The following PARVB variants were observed in gnomAD, a reference collection of about 807,000 sequenced individuals.
PARVB encodes the protein beta-parvin.
Under a neutral mutation model 47.0 loss-of-function variants are expected in PARVB, and 46 were observed. That is an observed-to-expected ratio of 0.98 (90% CI 0.77 to 1.25). The LOEUF (loss-of-function observed/expected upper bound fraction) is 1.25. Ranked by LOEUF, PARVB falls within the 50% of genes most tolerant of loss-of-function variation. The pLI, the probability that PARVB is intolerant of heterozygous loss-of-function variation, is 0.00. For synonymous variants in PARVB, 196 were observed against 196.3 expected, an observed-to-expected ratio of 1.00 and a Z score of 0.01; for missense variants, 473 against 471.6, an observed-to-expected ratio of 1.00 and a Z score of -0.03.
intron 1 of PARVB, among the ~76,000 whole-genome samples, chr22:44,025,143 G>A (rs1422386747): frequency 6.6e-6 from 1 of 151,816 alleles, no homozygotes; most frequent in African/African-American, 2.4e-5. Context: ...GTTCTGCCCC[G>A]GGACCATGCC....
intron 1 of PARVB, among the ~76,000 whole-genome samples, chr22:44,058,859 T>C (rs2051365596): frequency 6.7e-6 from 1 of 150,358 alleles, no homozygotes; most frequent in South Asian, 2.1e-4. Flanking sequence ...CCATCGGACG[T>C]GGATTTTGGA....
chr22:44,118,933 G>A, intron 3 of PARVB, 105 bp from the exon 4 acceptor site: 4 of 785,810 alleles, frequency 5.1e-6, no homozygotes, highest in Non-Finnish European at 9.0e-6. Flanking sequence ...TGGTCCCGGT[G>A]GTGGCTGCAG....
At chr22:44,009,628 T>C (rs1019733820) in intron 2 of PARVB, 1 of 150,904 alleles carries the variant, frequency 6.6e-6, no homozygotes, top group Middle Eastern at 3.5e-3. Flanking sequence ...ATATGTAATA[T>C]GTTTATTACA....
chr22:44,117,995 C>T (rs1569130298), intron 3 of PARVB, among the ~76,000 whole-genome samples: 1 of 152,196 alleles, frequency 6.6e-6, no homozygotes, highest in Admixed American at 6.5e-5. Context: ...AAGCAATCTC[C>T]TTCTGAAGTG....
upstream of PARVB, among the ~76,000 whole-genome samples, chr22:44,023,013 T>C (rs1291316434): frequency 2.6e-5 from 4 of 151,924 alleles, no homozygotes; most frequent in African/African-American, 9.7e-5. Flanking sequence ...TCCCAAAGTG[T>C]TGGGATTACA....
intron 5 of PARVB, among the ~76,000 whole-genome samples, chr22:44,132,674 G>C (rs1419623274): frequency 1.3e-5 from 2 of 152,090 alleles, no homozygotes; most frequent in African/African-American, 4.8e-5. Context: ...TTCTAAAAGT[G>C]GTTGCACAAG....
chr22:44,114,457 C>T (rs1296250662), intron 3 of PARVB: 2 of 95,336 alleles, frequency 2.1e-5, no homozygotes, highest in Admixed American at 9.5e-5. Flanking sequence ...TGCACCAACA[C>T]AGATACATTG....
At chr22:44,166,571 A>C (rs12170502) in intron 12 of PARVB, among the ~76,000 whole-genome samples, 2,711 of 152,358 alleles carry the variant, frequency 0.018, 88 homozygotes, top group African/African-American at 0.062. Context: ...GGACGTGTGG[A>C]AACCAGGCCA....
chr22:44,092,062 T>C (rs893894711), intron 1 of PARVB, among the ~76,000 whole-genome samples: 29 of 152,196 alleles, frequency 1.9e-4, no homozygotes, highest in African/African-American at 6.3e-4. Context: ...CCAAAGACCC[T>C]GGCATTTTTG....
At chr22:44,014,996 G>A (rs2050560867) in intron 2 of PARVB, among the ~76,000 whole-genome samples, 1 of 151,904 alleles carries the variant, frequency 6.6e-6, no homozygotes, top group South Asian at 2.1e-4. Context: ...GATTGTAGGT[G>A]CCCGCCACCA....
At chr22:44,023,852 T>A (rs1394829875), upstream of PARVB, among the ~76,000 whole-genome samples, 1 of 152,170 alleles carries the variant, frequency 6.6e-6, no homozygotes, top group Non-Finnish European at 1.5e-5. Flanking sequence ...TTGCCCTCCA[T>A]CCTCTAAGCT....
chr22:44,127,157 G>A (rs2053203993), intron 4 of PARVB, among the ~76,000 whole-genome samples: 1 of 152,138 alleles, frequency 6.6e-6, no homozygotes, highest in African/African-American at 2.4e-5. Flanking sequence ...TTGTGGAGTA[G>A]CTGCTGTTCC....
chr22:44,133,000 G>T lies in PARVB; in HGVS notation c.624G>T (p.Val208=). 1 of 1,612,268 alleles carries T rather than the reference G, an allele frequency of 6.2e-7. No homozygotes were observed. Among genetic ancestry groups the T allele is most frequent in the African/African-American group, 1.3e-5 (1 of 74,952 alleles). ...RLPEHVTVQV[V]VVRKREGLLH... Reference sequence around the variant, plus strand: ...CTGAGCATGTAACGGTGCAGGTGGTGGTCGTGCGGGTGAGTATAACCGAGT... The same window carrying T: ...CTGAGCATGTAACGGTGCAGGTGGTTGTCGTGCGGGTGAGTATAACCGAGT... The change falls in exon 6 of 13, where the codon GTG becomes GTT. Residue 208 remains valine, a synonymous_variant. Transcript: ENST00000338758.
At chr22:44,083,455 A>G (rs2051954056) in intron 1 of PARVB, among the ~76,000 whole-genome samples, 2 of 152,118 alleles carry the variant, frequency 1.3e-5, no homozygotes, top group African/African-American at 4.8e-5. Flanking sequence ...CCACAATCAC[A>G]TGATCGGGGA....
chr22:44,045,723 G>T (rs1481877099), intron 1 of PARVB, among the ~76,000 whole-genome samples: 1 of 152,184 alleles, frequency 6.6e-6, no homozygotes, highest in Non-Finnish European at 1.5e-5. Context: ...CTGAAAATCA[G>T]TTGATCATCA....
chr22:44,085,885 G>A (rs1384168750), intron 1 of PARVB, among the ~76,000 whole-genome samples: 1 of 152,202 alleles, frequency 6.6e-6, no homozygotes, highest in African/African-American at 2.4e-5. Context: ...AATAGGACAG[G>A]GTTTCAGCAG....
chr22:44,066,360 T>G (rs1343428980), intron 1 of PARVB, among the ~76,000 whole-genome samples: 1 of 152,238 alleles, frequency 6.6e-6, no homozygotes, highest in Non-Finnish European at 1.5e-5. Context: ...TCTGTACTTC[T>G]CTGGCTTTTA....
At chr22:44,073,126 GC>G (rs1033524053) in intron 1 of PARVB, among the ~76,000 whole-genome samples, 1 of 152,144 alleles carries the variant, frequency 6.6e-6, no homozygotes, top group African/African-American at 2.4e-5. Flanking sequence ...TGCAAACTAG[GC>G]CCAATCTTAT....
chr22:44,116,696 T>C (rs1601628939), intron 3 of PARVB, among the ~76,000 whole-genome samples: 1 of 152,226 alleles, frequency 6.6e-6, no homozygotes, highest in East Asian at 1.9e-4. Flanking sequence ...CTCCCATTGC[T>C]AATGGGACAG....
Sources: gnomAD v4.1 joint callset for allele counts (sites outside exome capture counted in the v4.1 genomes callset) on GRCh38, gnomAD v4.1.1 for gene constraint, MANE v1.5 for transcripts, NCBI Gene and HGNC (gene_info 2026-07-23, HGNC 2026-07-21) for gene names.